PLCH2: variants seen among roughly 807,000 people sequenced by gnomAD.
PLCH2 encodes 1-phosphatidylinositol 4,5-bisphosphate phosphodiesterase eta-2.
Under a neutral mutation model 134.7 loss-of-function variants are expected in PLCH2, and 98 were observed. The observed-to-expected ratio is 0.73, with a 90% CI of 0.62 to 0.86. The LOEUF (loss-of-function observed/expected upper bound fraction) is 0.86, where lower values mean the gene tolerates loss of function less well. PLCH2 is among the 40% of genes least tolerant of loss of function. The pLI, the probability that PLCH2 is intolerant of heterozygous loss-of-function variation, is 0.00. For missense variants in PLCH2, 1,994 were observed against 1,986.6 expected (o/e 1.00, Z -0.07); for synonymous variants, 974 against 827.5 (o/e 1.18, Z -3.04).
Position 2,491,253 on chromosome 1 carries a change from A to G in PLCH2, c.1577A>G (p.Lys526Arg). The G allele has an allele frequency of 2.5e-6, 4 of 1,613,318 alleles. No individual in the cohort carries two copies. Among genetic ancestry groups the G allele is most frequent in the Non-Finnish European group, 3.4e-6 (4 of 1,179,816 alleles). Residue 526 changes from lysine (K) to arginine (R), a missense_variant, in exon 11 of 22, where the codon AAA becomes AGA. Lys to Arg is a conservative substitution (Grantham distance 26, BLOSUM62 2). Transcript: ENST00000378486. ...TAKRKLDSLIKESKIRDCEDP... is the reference protein window; with the variant it reads ...TAKRKLDSLIRESKIRDCEDP... ...AAGAGGAAACTGGATTCCCTCATCA[A>G]AGAGTCGAAGATTCGGGACTGTGAG...
intron 2 of PLCH2, among the ~76,000 whole-genome samples, chr1:2,442,099 G>A (rs1557949665): frequency 2.0e-5 from 3 of 152,160 alleles, no homozygotes; most frequent in Admixed American, 1.3e-4. Flanking sequence ...TAGCCTCTCC[G>A]CGGTGAGCTT....
At chr1:2,458,315 C>A (rs980895242) in intron 2 of PLCH2, among the ~76,000 whole-genome samples, 2 of 152,218 alleles carry the variant, frequency 1.3e-5, no homozygotes, top group Admixed American at 1.3e-4. Context: ...TGCAGGCATC[C>A]AGCTGCCTTG....
chr1:2,491,068 G>A, intron 10 of PLCH2, 124 bp from the exon 11 acceptor site: 1 of 924,836 alleles, frequency 1.1e-6, no homozygotes, highest in African/African-American at 1.7e-5. Flanking sequence ...TGCAGGCCCT[G>A]AGGTGAATCA....
At chr1:2,457,563 G>A (rs999225344) in intron 2 of PLCH2, among the ~76,000 whole-genome samples, 12 of 152,166 alleles carry the variant, frequency 7.9e-5, no homozygotes, top group Admixed American at 2.0e-4. Flanking sequence ...GGACGGGGCC[G>A]CACCCACCCT....
chr1:2,503,398 T>C, intron 21 of PLCH2: 1 of 586,536 alleles, frequency 1.7e-6, no homozygotes, highest in Non-Finnish European at 3.0e-6. Flanking sequence ...GCTGGGCGTC[T>C]CCTGCGCCCC....
chr1:2,425,519 A>C (rs149181383), upstream of PLCH2, among the ~76,000 whole-genome samples: 19 of 152,188 alleles, frequency 1.2e-4, 1 homozygote, highest in East Asian at 3.5e-3. Flanking sequence ...GCTGGTTTTT[A>C]GGTGGCAGGC....
chr1:2,476,463 A>AAGAGGC lies in PLCH2; in HGVS notation c.-120_-115dup. The AAGAGGC allele has an allele frequency of 1.1e-6, 1 of 899,716 alleles. No individual in the cohort carries two copies. Among genetic ancestry groups the AAGAGGC allele is most frequent in the Non-Finnish European group, 1.6e-6 (1 of 621,626 alleles). The allele number at this position is 899,716 out of a possible 1,614,324, so 55.7% of individuals were successfully genotyped here. On this transcript the variant is annotated 5_prime_UTR_variant, in exon 1 of 22. Transcript: ENST00000378486. Reference sequence around the variant, plus strand: ...TCGGAGGGCCCTGAGGAGGAGGAGGAAGAGGCAGAGGAGAGAAGGCCCCAC... The same window carrying AAGAGGC: ...TCGGAGGGCCCTGAGGAGGAGGAGGAAGAGGCAGAGGCAGAGGAGAGAAGGCCCCAC...
At chr1:2,429,956 C>A (rs1307678507) in intron 1 of PLCH2, among the ~76,000 whole-genome samples, 8 of 152,186 alleles carry the variant, frequency 5.3e-5, no homozygotes, top group Admixed American at 3.3e-4. Context: ...TGTAAAGCGA[C>A]TCCTGTTTTG....
rs1464166212 is a variant in PLCH2 at position 2,504,472 on chromosome 1, G to A, written c.3510G>A (p.Glu1170=). ...LPSLGLGRSR[E]NLAGAHMGRL... ...GCCTGGGCCTGGGCCGCAGCCGTGA[G>A]AACCTCGCTGGAGCCCACATGGGAC... Residue 1170 remains glutamate (E), a synonymous_variant, in exon 22 of 22, where the codon GAG becomes GAA. Transcript: ENST00000378486. 1.2e-6 allele frequency: 2 copies of A among 1,612,532 alleles called. No individual in the cohort carries two copies. The highest frequency in any genetic ancestry group is 1.1e-5 in the South Asian group (1 of 91,080).
At chr1:2,489,520 C>T (rs1642453378) in intron 9 of PLCH2, 142 bp downstream of exon 9, 1 of 846,948 alleles carries the variant, frequency 1.2e-6, no homozygotes, top group Admixed American at 2.5e-5. Flanking sequence ...CCTGACCTGG[C>T]CTCCATCTCC....
In PLCH2 at chr1:2,505,236, C is replaced by T. The variant is rs541468845; in HGVS notation, c.*23C>T. ...TGACCGTCAGTGGTGGGAACCTGGG[C>T]GGCTCTGGAGGCCCAGGGCAGGGGT... is the stretch of plus-strand genomic sequence containing the variant. On this transcript the variant is annotated 3_prime_UTR_variant, in exon 22 of 22. Coordinates refer to ENST00000378486, the MANE Select transcript of PLCH2 (RefSeq NM_014638.4). 2.2e-4 allele frequency: 346 copies of T among 1,543,816 alleles called. 2 individuals carry two copies. In the East Asian group the frequency reaches 3.0e-3, roughly 13 times the overall value.
rs1185938584 is a variant in PLCH2, at chr1:2,495,489, A to G, written c.1754A>G (p.Lys585Arg). ...CTCACACCTCTGCCCCCCGCACAGA[A>G]GAAGGGCAGCAAGCTGAAGAAGGCG... Reference protein sequence around the residue: ...LVVGSFSRRKKKGSKLKKAAS... With the variant: ...LVVGSFSRRKRKGSKLKKAAS... The change falls in exon 13 of 22, where the codon AAG (lysine) becomes AGG (arginine). Residue 585 changes from lysine to arginine, a missense_variant and splice_region_variant. By Grantham distance (26) the Lys-to-Arg change is conservative. This residue lies in a region of PLCH2 where 1,094 missense variants were observed against 1,234.3 expected (regional missense o/e 0.89). Transcript: ENST00000378486. 4.5e-6 allele frequency: 7 copies of G among 1,551,352 alleles called. No individual in the cohort carries two copies. The highest frequency in any genetic ancestry group is 5.2e-6 in the Non-Finnish European group (6 of 1,146,806).
At chr1:2,421,133 C>T (rs182713452), upstream of PLCH2, among the ~76,000 whole-genome samples, 391 of 152,188 alleles carry the variant, frequency 2.6e-3, 3 homozygotes, top group African/African-American at 8.9e-3. Context: ...TTAGTAGAGA[C>T]GGAATTTCAC....
intron 1 of PLCH2, among the ~76,000 whole-genome samples, chr1:2,468,146 C>T (rs531328604): frequency 5.9e-5 from 9 of 152,296 alleles, no homozygotes; most frequent in African/African-American, 2.2e-4. Context: ...CTGGCCCAAC[C>T]CCACCCCAGC....
At chr1:2,420,841 G>A in the PLCH2 span, among the ~76,000 whole-genome samples, 39,691 of 152,136 alleles carry the variant, frequency 0.26, 5,582 homozygotes, top group Middle Eastern at 0.34. Flanking sequence ...TCTGAGGAGC[G>A]TTGAGTGTGT....
Position 2,478,678 on chromosome 1 carries a change from T to G in PLCH2, c.271+56T>G. On this transcript the variant is annotated intron_variant, in intron 2 of 21. Transcript: ENST00000378486. Reference sequence around the variant, plus strand: ...CAGAGTCCCTGGGGGGACACGACGGTAGGGACCCTCCCAGGGCAGCCACTG... The same window carrying G: ...CAGAGTCCCTGGGGGGACACGACGGGAGGGACCCTCCCAGGGCAGCCACTG... The G allele has an allele frequency of 2.0e-6, 3 of 1,523,348 alleles. No homozygotes were observed. The Admixed American group carries it at 5.8e-5, about 30-fold the overall frequency. The allele number at this position is 1,523,348 out of a possible 1,614,324, so 94.4% of individuals were successfully genotyped here.
intron 1 of PLCH2, chr1:2,467,680 A>G (rs2494632): frequency 0.58 from 236,140 of 407,312 alleles, 72,127 homozygotes; most frequent in East Asian, 0.88. Context: ...GGCAGGTGGG[A>G]TCCCAGAAGG....
rs142660270 is a variant in PLCH2, at chr1:2,458,132, C to G, written c.116-20344C>G. Among the ~76,000 whole-genome samples the G allele has an allele frequency of 2.3e-3, 350 of 152,286 alleles. 2 individuals are homozygous for G. Among genetic ancestry groups the G allele is most frequent in the Non-Finnish European group, 3.0e-3 (202 of 68,018 alleles). ...GGGCACCCAGGCCTGTCCTCGGGAG[C>G]TCTGACAGCACAGGGAAGGTGGCCG... is the stretch of plus-strand genomic sequence containing the variant. On this transcript the variant is annotated intron_variant, in intron 2 of 3. Transcript: ENST00000609981.
In PLCH2 at chr1:2,495,571, G is replaced by A. The variant is rs1363282923; in HGVS notation, c.1835+1G>A. 38 of 1,544,910 alleles carry A rather than the reference G, an allele frequency of 2.5e-5. No homozygotes were observed. The highest frequency in any genetic ancestry group is 3.3e-5 in the Non-Finnish European group (38 of 1,143,706). ...ACTCCCCGGGAGGCCAGAGCCGAGG[G>A]TAGGTGCCCTGCCCCACGGGGAGGC... On this transcript the variant is annotated splice_donor_variant, in intron 13 of 21. Coordinates refer to ENST00000378486, the MANE Select transcript of PLCH2 (RefSeq NM_014638.4). LOFTEE classifies it high-confidence loss of function.
Sources: gnomAD v4.1 joint callset for allele counts (sites outside exome capture counted in the v4.1 genomes callset) on GRCh38, gnomAD v4.1.1 for gene constraint, gnomAD v4.1.1 regional missense constraint, MANE v1.5 for transcripts, NCBI Gene and HGNC (gene_info 2026-07-23, HGNC 2026-07-21) for gene names.